NECAB1: variants seen among roughly 807,000 people sequenced by gnomAD.
NECAB1 encodes the protein N-terminal EF-hand calcium-binding protein 1.
Under a neutral mutation model 57.5 loss-of-function variants are expected in NECAB1, and 29 were observed. That is an observed-to-expected ratio of 0.50 (90% CI 0.38 to 0.69). The LOEUF is 0.69. NECAB1 is among the 30% of genes least tolerant of loss of function. The pLI is 0.00. For synonymous variants in NECAB1, 142 were observed against 147.7 expected, an observed-to-expected ratio of 0.96 and a Z score of 0.28; for missense variants, 372 against 413.8, an observed-to-expected ratio of 0.90 and a Z score of 0.88.
At chr8:90,920,264 C>T (rs1170264148) in intron 6 of NECAB1, among the ~76,000 whole-genome samples, 1 of 152,070 alleles carries the variant, frequency 6.6e-6, no homozygotes, top group Non-Finnish European at 1.5e-5. Flanking sequence ...TAAAGAAATG[C>T]ATAAACAAGC....
chr8:90,942,735 A>C (rs970596451), intron 10 of NECAB1, among the ~76,000 whole-genome samples: 1 of 152,214 alleles, frequency 6.6e-6, no homozygotes, highest in Admixed American at 6.5e-5. Flanking sequence ...TACAAAAATT[A>C]GCTGGGCATG....
At chr8:90,875,374 G>A (rs1586076096) in intron 4 of NECAB1, among the ~76,000 whole-genome samples, 1 of 149,566 alleles carries the variant, frequency 6.7e-6, no homozygotes, top group African/African-American at 2.5e-5. Flanking sequence ...CCAGCTACTC[G>A]GGAGGCTGAG....
intron 5 of NECAB1, among the ~76,000 whole-genome samples, chr8:90,891,037 C>T (rs755853621): frequency 3.7e-4 from 56 of 151,914 alleles, no homozygotes; most frequent in African/African-American, 1.4e-3. Context: ...GGTTTATGGC[C>T]GAAGATTGCT....
intron 5 of NECAB1, among the ~76,000 whole-genome samples, chr8:90,906,887 A>ATATGTATATATATATATGTATG (rs1554574066): frequency 2.5e-5 from 3 of 121,668 alleles, no homozygotes; most frequent in African/African-American, 7.5e-5. Flanking sequence ...ATATATATAT[A>ATATGTATATATATATATGTATG]TATATATATA....
At chr8:90,860,022 C>G (rs139775103) in intron 3 of NECAB1, among the ~76,000 whole-genome samples, 6 of 152,134 alleles carry the variant, frequency 3.9e-5, no homozygotes, top group African/African-American at 1.4e-4. Flanking sequence ...GACCATGCAG[C>G]TAGAGGACAA....
At chr8:90,948,500 T>C (rs1810857061) in intron 10 of NECAB1, among the ~76,000 whole-genome samples, 2 of 152,208 alleles carry the variant, frequency 1.3e-5, no homozygotes, top group Admixed American at 6.5e-5. Context: ...AAATCTACAT[T>C]AATCAACTAT....
chr8:90,844,012 C>T (rs1358903771), intron 3 of NECAB1, among the ~76,000 whole-genome samples: 1 of 152,172 alleles, frequency 6.6e-6, no homozygotes, highest in Non-Finnish European at 1.5e-5. Context: ...TATAACAGAT[C>T]ATGAAACTCA....
intron 1 of NECAB1, among the ~76,000 whole-genome samples, chr8:90,793,263 A>T (rs1252702462): frequency 2.0e-5 from 3 of 152,184 alleles, no homozygotes; most frequent in South Asian, 2.1e-4. Context: ...AACTCCTATC[A>T]ATAATTCAAA....
At chr8:90,845,277 C>T (rs1367283666) in intron 3 of NECAB1, among the ~76,000 whole-genome samples, 2 of 152,198 alleles carry the variant, frequency 1.3e-5, no homozygotes, top group African/African-American at 4.8e-5. Flanking sequence ...TCACATCCCT[C>T]TCCTGTCTGT....
intron 5 of NECAB1, among the ~76,000 whole-genome samples, chr8:90,898,544 G>A (rs1809419302): frequency 6.6e-6 from 1 of 152,132 alleles, no homozygotes; most frequent in African/African-American, 2.4e-5. Context: ...TGAGTTTGAA[G>A]CCTAGTTGCT....
intron 5 of NECAB1, among the ~76,000 whole-genome samples, chr8:90,884,228 C>T (rs561365775): frequency 6.6e-5 from 10 of 152,276 alleles, no homozygotes; most frequent in East Asian, 1.9e-4. Flanking sequence ...CTAGCACTGC[C>T]GGGCCTCTGC....
chr8:90,887,992 C>T (rs1809050586), intron 5 of NECAB1, among the ~76,000 whole-genome samples: 1 of 152,062 alleles, frequency 6.6e-6, no homozygotes, highest in African/African-American at 2.4e-5. Flanking sequence ...CACAGAGGTC[C>T]CTATTAGTAA....
At chr8:90,935,679 T>C (rs538771385) in intron 9 of NECAB1, among the ~76,000 whole-genome samples, 1 of 152,274 alleles carries the variant, frequency 6.6e-6, no homozygotes, top group East Asian at 1.9e-4. Flanking sequence ...TGAGAGATAA[T>C]TGCCTATTCT....
intron 2 of NECAB1, among the ~76,000 whole-genome samples, chr8:90,822,722 G>C (rs1206750624): frequency 6.6e-6 from 1 of 151,796 alleles, no homozygotes; most frequent in Non-Finnish European, 1.5e-5. Context: ...TGCAGTAATA[G>C]CCTGTTTCCA....
At chr8:90,912,730 G>GAA in intron 5 of NECAB1, among the ~76,000 whole-genome samples, 1 of 147,472 alleles carries the variant, frequency 6.8e-6, no homozygotes, top group East Asian at 2.0e-4. Context: ...TCCCAGTTTG[G>GAA]AAAAAAAAAA....
chr8:90,885,173 T>C (rs1808946929), intron 5 of NECAB1, among the ~76,000 whole-genome samples: 1 of 152,166 alleles, frequency 6.6e-6, no homozygotes, highest in African/African-American at 2.4e-5. Flanking sequence ...AGGTTATTGA[T>C]AGAGTTCACA....
rs984358052 is a variant in NECAB1 at position 90,849,787 on chromosome 8, A to G, written c.234-22341A>G. Among the ~76,000 whole-genome samples the G allele has an allele frequency of 5.6e-4, 78 of 138,602 alleles. 2 individuals are homozygous for G. The Admixed American group carries it at 6.4e-3, about 11-fold the overall frequency. The allele number at this position is 138,602 out of a possible 152,430, so 90.9% of individuals were successfully genotyped here. ...CGGCTCACCGCAAGCTCTGCCTTCCAGGTTCACGCCATTCTCCTGCCTCAG... is the reference window on the plus strand; with the variant it reads ...CGGCTCACCGCAAGCTCTGCCTTCCGGGTTCACGCCATTCTCCTGCCTCAG... On this transcript the variant is annotated intron_variant, in intron 3 of 12. Coordinates refer to ENST00000417640, the MANE Select transcript of NECAB1 (RefSeq NM_022351.5).
At chr8:90,881,931 G>A (rs753738870) in intron 5 of NECAB1, among the ~76,000 whole-genome samples, 9 of 152,170 alleles carry the variant, frequency 5.9e-5, no homozygotes, top group Non-Finnish European at 1.0e-4. Flanking sequence ...GGAACAGCAC[G>A]TGCAGAGGCT....
At chr8:90,844,786 CGTT>C in intron 3 of NECAB1, among the ~76,000 whole-genome samples, 1 of 132,646 alleles carries the variant, frequency 7.5e-6, no homozygotes, top group Middle Eastern at 3.8e-3. Flanking sequence ...TACTGAGCTA[CGTT>C]CTTCTAAATC....
Sources: allele counts gnomAD v4.1 joint callset (sites outside exome capture counted in the v4.1 genomes callset), GRCh38; gene constraint gnomAD v4.1.1; transcripts MANE v1.5; gene names NCBI Gene and HGNC (gene_info 2026-07-23, HGNC 2026-07-21).